The following YLPM1 variants were observed in gnomAD, a reference collection of about 807,000 sequenced individuals.
YLPM1 encodes YLP motif-containing protein 1.
Under a neutral mutation model 230.0 loss-of-function variants are expected in YLPM1, and 99 were observed. The observed-to-expected ratio is 0.43, with a 90% CI of 0.37 to 0.51. YLPM1 has a LOEUF of 0.51. Among genes scored for constraint, YLPM1 ranks in the 20% least tolerant of loss-of-function variants. YLPM1 has a pLI of 0.00. For missense variants in YLPM1, 2,592 were observed against 2,707.7 expected, an observed-to-expected ratio of 0.96 and a Z score of 0.95; for synonymous variants, 984 against 942.5, an observed-to-expected ratio of 1.04 and a Z score of -0.81.
chr14:74,778,406 T>C, intron 1 of YLPM1, 41 bp from the exon 2 acceptor site: 1 of 1,534,778 alleles, frequency 6.5e-7, no homozygotes. Flanking sequence ...CAGAGATACA[T>C]GATTGTCAAT....
At chr14:74,820,849 G>A (rs963439681) in intron 16 of YLPM1, among the ~76,000 whole-genome samples, 2 of 152,164 alleles carry the variant, frequency 1.3e-5, no homozygotes, top group Non-Finnish European at 2.9e-5. Flanking sequence ...GAATTGTACA[G>A]ATGGATATTC....
intron 2 of YLPM1, among the ~76,000 whole-genome samples, chr14:74,778,905 A>G (rs2140084867): frequency 6.6e-6 from 1 of 152,194 alleles, no homozygotes; most frequent in African/African-American, 2.4e-5. Context: ...CAATGGTGCG[A>G]TCTTGGCTTA....
In YLPM1 at chr14:74,781,885, A is replaced by G; in HGVS notation, c.1842A>G (p.Ala614=). ...CCCCACCATCTCTCTCTTCAACAGC[A>G]CCTCCACCTGTCATGCCCCTCCCAC... ...VLPPPSLSST[A]PPPVMPLPPL... The change falls in exon 4 of 21, where the codon GCA becomes GCG. Residue 614 remains alanine, a synonymous_variant. Transcript: ENST00000325680. 6.2e-7 allele frequency: 1 copy of G among 1,609,358 alleles called. No homozygotes were observed. The highest frequency in any genetic ancestry group is 8.5e-7 in the Non-Finnish European group (1 of 1,178,782).
intron 4 of YLPM1, among the ~76,000 whole-genome samples, chr14:74,788,869 C>A (rs2140098186): frequency 6.6e-6 from 1 of 152,284 alleles, no homozygotes; most frequent in Non-Finnish European, 1.5e-5. Context: ...CGTAAGGCTA[C>A]AAGTATTATT....
At chr14:74,775,292 G>A (rs140472092) in intron 1 of YLPM1, among the ~76,000 whole-genome samples, 217 of 152,244 alleles carry the variant, frequency 1.4e-3, no homozygotes, top group South Asian at 3.5e-3. Flanking sequence ...CTACCAGATA[G>A]GATATAAAAA....
chr14:74,818,458 G>C (rs1473362629), intron 16 of YLPM1, 144 bp downstream of exon 16: 3 of 566,472 alleles, frequency 5.3e-6, no homozygotes, highest in Non-Finnish European at 8.6e-6. Context: ...TTGAGATCAC[G>C]GTTAGTATTT....
chr14:74,802,505 G>C (rs1019880164), intron 5 of YLPM1, 51 bp from the exon 6 acceptor site: 1 of 1,550,452 alleles, frequency 6.4e-7, no homozygotes, highest in Non-Finnish European at 8.7e-7. Context: ...TAGTCACTTA[G>C]GAATGGAATA....
chr14:74,825,473 G>T (rs541952684), intron 18 of YLPM1, among the ~76,000 whole-genome samples: 1 of 152,008 alleles, frequency 6.6e-6, no homozygotes, highest in Non-Finnish European at 1.5e-5. Flanking sequence ...CCCTCTGTGG[G>T]AAATCTTAAT....
Position 74,810,415 on chromosome 14 carries a change from T to G in YLPM1, c.5223T>G (p.Asp1741Glu), listed in dbSNP as rs534627025. 6.2e-7 allele frequency: 1 copy of G among 1,612,830 alleles called. No homozygotes were observed. The highest frequency in any genetic ancestry group is 1.3e-5 in the African/African-American group (1 of 74,676). The change falls in exon 9 of 21, where the codon GAT becomes GAG. Residue 1741 changes from aspartate to glutamate, a missense_variant. Coordinates refer to ENST00000325680, the MANE Select transcript of YLPM1 (RefSeq NM_019589.3). ...TTGACAGAGAACGCCGACCCCGAGA[T>G]GATAGGTATGCTATAAAACAATCTT... ...DRFDRERRPRDDRAQSYRDKK... is the reference protein window; with the variant it reads ...DRFDRERRPREDRAQSYRDKK...
intron 18 of YLPM1, among the ~76,000 whole-genome samples, chr14:74,825,482 A>G (rs1372188198): frequency 6.6e-6 from 1 of 152,150 alleles, no homozygotes; most frequent in Non-Finnish European, 1.5e-5. Flanking sequence ...GGAAATCTTA[A>G]TAATAACCAA....
chr14:74,827,181 A>G (rs2091570721), intron 18 of YLPM1, among the ~76,000 whole-genome samples: 1 of 152,206 alleles, frequency 6.6e-6, no homozygotes, highest in South Asian at 2.1e-4. Flanking sequence ...ATACTGTTTC[A>G]AATATGTGGT....
intron 19 of YLPM1, among the ~76,000 whole-genome samples, chr14:74,833,680 A>G (rs1017219190): frequency 5.3e-5 from 8 of 152,230 alleles, no homozygotes; most frequent in Non-Finnish European, 1.2e-4. Flanking sequence ...ATTGAGCCAT[A>G]GGTTTTCTAT....
chr14:74,795,380 A>G (rs912799969), intron 4 of YLPM1, among the ~76,000 whole-genome samples: 1 of 152,206 alleles, frequency 6.6e-6, no homozygotes, highest in Non-Finnish European at 1.5e-5. Context: ...ATATTTTGCC[A>G]ACACTGAATT....
At position 74,802,663 on chromosome 14, in the gene YLPM1, C is replaced by T. The variant is rs371061013; in HGVS notation, c.4508C>T (p.Pro1503Leu). ...AGATTGCAGAATACATCTTCAAGAC[C>T]TGGAATGTATCCGGTATGGGAGAAT... ...ESRLQNTSSR[P>L]GMYPPPGSYR... The change falls in exon 6 of 21, where the codon CCT (proline) becomes CTT (leucine). Residue 1503 changes from proline (P) to leucine (L), a missense_variant. Pro to Leu is a moderately conservative substitution (Grantham distance 98). Around this residue, in one of 4 missense-constraint regions of YLPM1, gnomAD observed 403 missense variants for 426.7 expected, o/e 0.94. Transcript: ENST00000325680. 8.1e-6 allele frequency: 13 copies of T among 1,610,204 alleles called. No individual in the cohort carries two copies. Among genetic ancestry groups the T allele is most frequent in the African/African-American group, 6.7e-5 (5 of 74,856 alleles).
Position 74,763,406 on chromosome 14 carries a change from C to T in YLPM1, c.-84C>T. 3 of 1,375,168 alleles carry T rather than the reference C, an allele frequency of 2.2e-6. No individual in the cohort carries two copies. The highest frequency in any genetic ancestry group is 3.0e-5 in the Admixed American group (1 of 33,198). 85.2% of individuals were successfully genotyped at this position (1,375,168 alleles called of 1,614,324 possible). On this transcript the variant is annotated 5_prime_UTR_variant, in exon 1 of 21. Transcript: ENST00000325680. ...GGCCTGTAGGCGCCGCGAGTTCCGG[C>T]TGTCGCCGTCGCCGCCGCGGCTCCT...
At chr14:74,783,573 T>G (rs1372646720) in intron 4 of YLPM1, among the ~76,000 whole-genome samples, 2 of 152,216 alleles carry the variant, frequency 1.3e-5, no homozygotes, top group African/African-American at 4.8e-5. Context: ...TAGATTATCT[T>G]ATAACTTATT....
In YLPM1 at chr14:74,816,916, T is replaced by C. The variant is rs2091482642; in HGVS notation, c.5686-15T>C. On this transcript the variant is annotated splice_polypyrimidine_tract_variant and intron_variant, in intron 13 of 20. Coordinates refer to ENST00000325680, the MANE Select transcript of YLPM1 (RefSeq NM_019589.3). ...TTGCTTTTGCTAATTCCATATCTCT[T>C]TTGGGGGACCTTAGGTAATGGAATA... The C allele has an allele frequency of 6.5e-7, 1 of 1,545,338 alleles. No homozygotes were observed. Among genetic ancestry groups the C allele is most frequent in the Admixed American group, 2.2e-5 (1 of 46,338 alleles).
chr14:74,773,711 CTTTTTTTTTT>C (rs766885242), intron 1 of YLPM1, among the ~76,000 whole-genome samples: 10 of 60,562 alleles, frequency 1.7e-4, no homozygotes, highest in African/African-American at 4.5e-4. Flanking sequence ...TGTTTTCTTT[CTTTTTTTTTT>C]TTTTTTTTTT....
At position 74,797,844 on chromosome 14, in the gene YLPM1, G is replaced by T. The variant is rs1271707047; in HGVS notation, c.2547G>T (p.Gln849His). ...GPKPAFGQQH[Q>H]QQPKSQAEPL... ...AACCAGCTTTTGGACAGCAGCATCA[G>T]CAGCAACCTAAGTCACAAGCAGAAC... Residue 849 changes from glutamine (Q) to histidine (H), a missense_variant, in exon 5 of 21, where the codon CAG becomes CAT. Gln to His is a conservative substitution (Grantham distance 24). Coordinates refer to ENST00000325680, the MANE Select transcript of YLPM1 (RefSeq NM_019589.3). 3.7e-5 allele frequency: 59 copies of T among 1,613,874 alleles called. No individual in the cohort carries two copies. Among genetic ancestry groups the T allele is most frequent in the Non-Finnish European group, 4.9e-5 (58 of 1,179,898 alleles).
Sources: allele counts gnomAD v4.1 joint callset (sites outside exome capture counted in the v4.1 genomes callset), GRCh38; gene constraint gnomAD v4.1.1; regional missense constraint gnomAD v4.1.1; transcripts MANE v1.5; gene names NCBI Gene and HGNC (gene_info 2026-07-23, HGNC 2026-07-21).